Variants in PRKAR1B observed in about 807,000 individuals in gnomAD.
The protein encoded by PRKAR1B is protein kinase cAMP-dependent type I regulatory subunit beta.
In PRKAR1B, 22 loss-of-function variants were observed where a neutral mutation model predicts 46.5. The ratio of observed to expected loss-of-function variants is 0.47; its 90% confidence interval spans 0.34 to 0.68. The LOEUF (loss-of-function observed/expected upper bound fraction) is 0.68. Among genes scored for constraint, PRKAR1B ranks in the 30% least tolerant of loss-of-function variants. PRKAR1B has a pLI of 0.01. For missense variants in PRKAR1B, 445 were observed against 535.6 expected, an observed-to-expected ratio of 0.83 and a Z score of 1.67; for synonymous variants, 259 against 217.7, an observed-to-expected ratio of 1.19 and a Z score of -1.67.
At chr7:598,316 A>G (rs1781389813) in intron 6 of PRKAR1B, among the ~76,000 whole-genome samples, 1 of 133,682 alleles carries the variant, frequency 7.5e-6, no homozygotes. Flanking sequence ...CACACTAAAC[A>G]CCATCGCCCT....
chr7:706,184 G>A (rs1294958205), intron 2 of PRKAR1B, among the ~76,000 whole-genome samples: 1 of 152,068 alleles, frequency 6.6e-6, no homozygotes, highest in Admixed American at 6.6e-5. Context: ...AAATTAGCCA[G>A]GCATGGTGGT....
intron 3 of PRKAR1B, among the ~76,000 whole-genome samples, chr7:680,157 C>CAA (rs372918350): frequency 2.3e-4 from 17 of 73,602 alleles, no homozygotes; most frequent in African/African-American, 3.7e-4. Context: ...GACTCTGTTT[C>CAA]AAAAAAAAAA....
intron 9 of PRKAR1B, among the ~76,000 whole-genome samples, chr7:576,122 C>G (rs536370672): frequency 6.9e-6 from 1 of 143,908 alleles, no homozygotes; most frequent in Non-Finnish European, 1.5e-5. Flanking sequence ...CCTCTGCACA[C>G]GGGCGGGCGT....
Position 649,571 on chromosome 7 carries a change from A to C in PRKAR1B, c.440+27658T>G, listed in dbSNP as rs1372738647. ...TTTATATGTAGCGCCTTATTTATTTATTTATTTATTTATTTTTATTTTTTG... is the reference window on the plus strand; with the variant it reads ...TTTATATGTAGCGCCTTATTTATTTCTTTATTTATTTATTTTTATTTTTTG... On this transcript the variant is annotated intron_variant, in intron 4 of 10. Coordinates refer to ENST00000537384, the MANE Select transcript of PRKAR1B (RefSeq NM_001164760.2). 2.0e-5 allele frequency among the ~76,000 whole-genome samples: 3 copies of C among 151,874 alleles called. No individual in the cohort carries two copies. The East Asian group carries it at 5.8e-4, about 29-fold the overall frequency.
At chr7:650,417 C>T (rs539216515) in intron 4 of PRKAR1B, among the ~76,000 whole-genome samples, 3 of 151,962 alleles carry the variant, frequency 2.0e-5, no homozygotes, top group Admixed American at 6.6e-5. Flanking sequence ...GTTCCAACCA[C>T]GAAAGGCTCT....
At chr7:664,330 C>T (rs1382170605) in intron 4 of PRKAR1B, among the ~76,000 whole-genome samples, 1 of 152,240 alleles carries the variant, frequency 6.6e-6, no homozygotes, top group African/African-American at 2.4e-5. Flanking sequence ...GTGGCCAGTG[C>T]TGCACCAGGG....
chr7:606,391 A>G, intron 5 of PRKAR1B, 152 bp from the exon 6 acceptor site: 1 of 582,432 alleles, frequency 1.7e-6, no homozygotes, highest in Non-Finnish European at 3.0e-6. Context: ...AAGATTATAC[A>G]AACATTGAGA....
At chr7:596,405 C>T (rs960096252) in intron 6 of PRKAR1B, 101 bp from the exon 7 acceptor site, 1 of 1,405,746 alleles carries the variant, frequency 7.1e-7, no homozygotes, top group Non-Finnish European at 9.6e-7. Flanking sequence ...AGAAGAGGGT[C>T]CCCGCAGGGC....
chr7:565,752 G>A (rs1183324643), intron 9 of PRKAR1B: 1 of 152,196 alleles, frequency 6.6e-6, no homozygotes, highest in African/African-American at 2.4e-5. Flanking sequence ...GTGCTTGACT[G>A]GGGTAGCTCA....
At chr7:615,099 G>A (rs563804874) in intron 4 of PRKAR1B, among the ~76,000 whole-genome samples, 1 of 151,300 alleles carries the variant, frequency 6.6e-6, no homozygotes, top group Non-Finnish European at 1.5e-5. Flanking sequence ...GAAGGAGAGA[G>A]AGAGAGGCAG....
intron 1 of PRKAR1B, among the ~76,000 whole-genome samples, chr7:721,556 G>A (rs894263707): frequency 6.6e-5 from 10 of 152,078 alleles, no homozygotes; most frequent in African/African-American, 1.7e-4. Flanking sequence ...GCTGAGGCAG[G>A]AGAATTGCTT....
chr7:671,178 T>C (rs1786234480), intron 4 of PRKAR1B, among the ~76,000 whole-genome samples: 1 of 151,820 alleles, frequency 6.6e-6, no homozygotes, highest in South Asian at 2.1e-4. Context: ...CGCTTCTCCG[T>C]CCCTCCGTTG....
chr7:636,597 C>T lies in PRKAR1B; in HGVS notation c.441-29145G>A, dbSNP rs117892509. Among the ~76,000 whole-genome samples, 90 of 152,364 alleles carry T rather than the reference C, an allele frequency of 5.9e-4. 3 individuals carry two copies. In the East Asian group the frequency reaches 0.016, roughly 28 times the overall value. On this transcript the variant is annotated intron_variant, in intron 4 of 10. Coordinates refer to ENST00000537384, the MANE Select transcript of PRKAR1B (RefSeq NM_001164760.2). ...ATGGTCCTTTCTGACAGCCAATGCT[C>T]TGCCTCTCTCAACTGCTGGAACACA... is the stretch of plus-strand genomic sequence containing the variant.
At chr7:629,507 G>C (rs192813454) in intron 4 of PRKAR1B, among the ~76,000 whole-genome samples, 15 of 84,480 alleles carry the variant, frequency 1.8e-4, no homozygotes, top group African/African-American at 6.4e-4. Context: ...CACGGCCTCC[G>C]AAGGCACCAC....
chr7:662,640 A>G (rs1456706440), intron 4 of PRKAR1B, among the ~76,000 whole-genome samples: 1 of 110,938 alleles, frequency 9.0e-6, no homozygotes, highest in East Asian at 2.8e-4. Flanking sequence ...TCTCCCCGCC[A>G]TGCCACAGGT....
intron 2 of PRKAR1B, among the ~76,000 whole-genome samples, chr7:695,217 G>T (rs1355980112): frequency 6.6e-6 from 1 of 152,188 alleles, no homozygotes; most frequent in East Asian, 1.9e-4. Flanking sequence ...TGGGGCTGAA[G>T]ACGTGGGATC....
chr7:646,982 C>T (rs1301479072), intron 4 of PRKAR1B, among the ~76,000 whole-genome samples: 1 of 152,182 alleles, frequency 6.6e-6, no homozygotes, highest in Admixed American at 6.5e-5. Context: ...CACTGCCCCC[C>T]ACTCCTGGCC....
chr7:726,529 G>A (rs1366569344), intron 1 of PRKAR1B: 14 of 411,026 alleles, frequency 3.4e-5, no homozygotes, highest in Middle Eastern at 6.3e-4. Flanking sequence ...GGCCCAGCAG[G>A]CAGGCTGGCG....
chr7:697,023 T>A (rs1583433545), intron 2 of PRKAR1B: 2 of 152,258 alleles, frequency 1.3e-5, no homozygotes, highest in African/African-American at 4.8e-5. Flanking sequence ...TTCATACTGA[T>A]GCATTGTCTG....
Sources: allele counts gnomAD v4.1 joint callset (sites outside exome capture counted in the v4.1 genomes callset), GRCh38; gene constraint gnomAD v4.1.1; transcripts MANE v1.5; gene names NCBI Gene and HGNC (gene_info 2026-07-23, HGNC 2026-07-21).